SACM1L: variants seen among roughly 807,000 people sequenced by gnomAD.
SACM1L encodes the protein SAC1 like phosphatidylinositide phosphatase, also known as phosphatidylinositol-3-phosphatase SAC1.
SACM1L carries 32 observed loss-of-function variants against 89.5 expected under a neutral mutation model. That is an observed-to-expected ratio of 0.36 (90% CI 0.27 to 0.48). SACM1L has a LOEUF of 0.48. Ranked by LOEUF, SACM1L falls within the 20% of genes least tolerant of loss-of-function variation. SACM1L has a pLI of 0.99. For synonymous variants in SACM1L, 213 were observed against 232.8 expected (o/e 0.92, Z 0.77); for missense variants, 543 against 708.5 (o/e 0.77, Z 2.65).
At chr3:45,697,095 G>C (rs1422476447) in intron 1 of SACM1L, among the ~76,000 whole-genome samples, 1 of 151,576 alleles carries the variant, frequency 6.6e-6, no homozygotes, top group Admixed American at 6.6e-5. Context: ...GTATACCCCT[G>C]TTCATAGCAG....
intron 1 of SACM1L, 37 bp from the exon 2 acceptor site, chr3:45,703,401 A>G: frequency 7.3e-7 from 1 of 1,377,438 alleles, no homozygotes; most frequent in Non-Finnish European, 1.0e-6. Flanking sequence ...TCTTCATTTC[A>G]TTTGGTTAGT....
intron 6 of SACM1L, chr3:45,713,501 C>G (rs907458213): frequency 5.2e-5 from 11 of 211,106 alleles, no homozygotes; most frequent in Non-Finnish European, 1.0e-4. Flanking sequence ...GCCAAGTTTC[C>G]TGGCCAAGGG....
intron 1 of SACM1L, among the ~76,000 whole-genome samples, chr3:45,700,322 T>G (rs1396766936): frequency 6.6e-6 from 1 of 152,186 alleles, no homozygotes; most frequent in Non-Finnish European, 1.5e-5. Context: ...GCTGTGAACT[T>G]AAAAGATGTA....
rs1026588480 is a variant in SACM1L at position 45,744,480 on chromosome 3, A to G, written c.*811A>G. On this transcript the variant is annotated 3_prime_UTR_variant, in exon 20 of 20. Coordinates refer to ENST00000389061, the MANE Select transcript of SACM1L (RefSeq NM_014016.5). ...ACTGGTCAGCTACTTCCTCCTATAC[A>G]TTTTGGTTTCTTTGAGGGTCACTCA... 3 of 152,568 alleles carry G rather than the reference A, an allele frequency of 2.0e-5. No individual in the cohort carries two copies. The highest frequency in any genetic ancestry group is 2.9e-5 in the Non-Finnish European group (2 of 68,022). 9.5% of individuals were successfully genotyped at this position (152,568 alleles called of 1,614,324 possible). A position where few individuals can be genotyped will look rare whatever the true frequency, so the allele number is the denominator to read the frequency against.
rs760498810 is a variant in SACM1L at position 45,689,474 on chromosome 3, G to A, written c.9G>A (p.Thr3=). MA[T]AAYEQLKLHI... ...GGAGGTGGTTGTGCAGGATGGCGAC[G>A]GCGGCCTACGAGCAGCTGAAGCTGT... Residue 3 remains threonine (T), a synonymous_variant, in exon 1 of 20, where the codon ACG becomes ACA. Coordinates refer to ENST00000389061, the MANE Select transcript of SACM1L (RefSeq NM_014016.5). 4 of 1,577,814 alleles carry A rather than the reference G, an allele frequency of 2.5e-6. No individual in the cohort carries two copies. The African/African-American group carries it at 4.0e-5, about 16-fold the overall frequency.
At position 45,723,514 on chromosome 3, in the gene SACM1L, AT is replaced by A; in HGVS notation, c.895del (p.Tyr299MetfsTer6). On this transcript the variant is annotated frameshift_variant, in exon 11 of 20. Transcript: ENST00000389061. LOFTEE classifies it high-confidence loss of function. ...FQRHFDSQVI[I>X]YGKQVIINLI... is the part of the protein sequence containing the mutation. ...AAGGCATTTTGATTCCCAAGTAATT[AT>A]TTATGGAAAACAAGTTATAATCAAT... 6.6e-7 allele frequency: 1 copy of A among 1,510,362 alleles called. No individual in the cohort carries two copies. Among genetic ancestry groups the A allele is most frequent in the Non-Finnish European group, 8.9e-7 (1 of 1,120,902 alleles). 93.6% of individuals were successfully genotyped at this position (1,510,362 alleles called of 1,614,324 possible).
intron 1 of SACM1L, among the ~76,000 whole-genome samples, chr3:45,694,329 A>G (rs1698071688): frequency 6.6e-6 from 1 of 152,222 alleles, no homozygotes; most frequent in African/African-American, 2.4e-5. Flanking sequence ...TGAGGTCATC[A>G]GTCAGGGCAG....
intron 6 of SACM1L, 90 bp from the exon 7 acceptor site, chr3:45,713,956 T>C: frequency 1.6e-6 from 1 of 629,000 alleles, no homozygotes. Context: ...TTGTTATGTT[T>C]GTATATTACC....
chr3:45,737,840 A>G lies in SACM1L; in HGVS notation c.1378A>G (p.Thr460Ala), dbSNP rs1359248720. The G allele has an allele frequency of 2.5e-6, 4 of 1,613,244 alleles. No homozygotes were observed. The highest frequency in any genetic ancestry group is 2.5e-6 in the Non-Finnish European group (3 of 1,179,274). The change falls in exon 16 of 20, where the codon ACC becomes GCC. Residue 460 changes from threonine to alanine, a missense_variant. Transcript: ENST00000389061. ...AGTGALKTDF[T>A]RTGKRTHLGL... ...AACTGGTGCCTTGAAGACTGACTTT[A>G]CCAGGCAAGCCATGCTTTTAAAATA...
chr3:45,702,973 C>T (rs1698309683), intron 1 of SACM1L, among the ~76,000 whole-genome samples: 1 of 152,166 alleles, frequency 6.6e-6, no homozygotes, highest in Admixed American at 6.5e-5. Flanking sequence ...TACTATGCGT[C>T]AGATGTTCAA....
At chr3:45,714,932 C>G (rs1698614809) in intron 7 of SACM1L, among the ~76,000 whole-genome samples, 2 of 152,136 alleles carry the variant, frequency 1.3e-5, no homozygotes, top group Non-Finnish European at 2.9e-5. Context: ...GAAGGTGGTC[C>G]TATAAGATTA....
At chr3:45,714,824 C>G (rs1698612359) in intron 7 of SACM1L, among the ~76,000 whole-genome samples, 1 of 152,190 alleles carries the variant, frequency 6.6e-6, no homozygotes, top group Non-Finnish European at 1.5e-5. Flanking sequence ...GCCAAGTGAG[C>G]TGGCTCTTAA....
At chr3:45,735,751 G>T (rs1238983452) in intron 14 of SACM1L, among the ~76,000 whole-genome samples, 4 of 152,136 alleles carry the variant, frequency 2.6e-5, no homozygotes. Context: ...GAATTACTGG[G>T]TTAAAGAGAA....
chr3:45,722,458 G>A (rs576467325), intron 9 of SACM1L, among the ~76,000 whole-genome samples: 1 of 152,246 alleles, frequency 6.6e-6, no homozygotes, highest in Non-Finnish European at 1.5e-5. Flanking sequence ...GCCTTATGGA[G>A]TTGTACACCA....
At chr3:45,734,469 A>G (rs1699153799) in intron 13 of SACM1L, 1 of 151,966 alleles carries the variant, frequency 6.6e-6, no homozygotes, top group South Asian at 2.1e-4. Flanking sequence ...AATTTTTTTT[A>G]ATTTAGATAC....
intron 19 of SACM1L, 85 bp downstream of exon 19, chr3:45,739,729 C>A: frequency 8.3e-7 from 1 of 1,209,292 alleles, no homozygotes; most frequent in Non-Finnish European, 1.2e-6. Flanking sequence ...TCACCGAACA[C>A]TTGATGTTTC....
rs904206002 is a variant in SACM1L at position 45,691,131 on chromosome 3, G to T, written c.32+1634G>T. ...CTGAAGTAGTAAGAATGATGTTTTT[G>T]TATTGATTTTTGTGAGAAGTGGAAA... is the stretch of plus-strand genomic sequence containing the variant. On this transcript the variant is annotated intron_variant, in intron 1 of 19. Coordinates refer to ENST00000389061, the MANE Select transcript of SACM1L (RefSeq NM_014016.5). 6.6e-5 allele frequency among the ~76,000 whole-genome samples: 10 copies of T among 152,156 alleles called. No individual in the cohort carries two copies. In the East Asian group the frequency reaches 1.9e-3, roughly 29 times the overall value.
At chr3:45,696,816 C>T (rs1343308614) in intron 1 of SACM1L, among the ~76,000 whole-genome samples, 1 of 152,058 alleles carries the variant, frequency 6.6e-6, no homozygotes, top group Non-Finnish European at 1.5e-5. Context: ...TGTTTTCAGA[C>T]ACTAGAAAAT....
rs1699251875 is a variant in SACM1L at position 45,738,571 on chromosome 3, T to TA, written c.1383-5dup. ...CCTGTAACTTAAAATTTAACCTCTT[T>TA]AACCAGAACTGGAAAGAGAACTCAT... On this transcript the variant is annotated splice_region_variant and splice_polypyrimidine_tract_variant and intron_variant, in intron 16 of 19. Coordinates refer to ENST00000389061, the MANE Select transcript of SACM1L (RefSeq NM_014016.5). 1 of 1,589,416 alleles carries TA rather than the reference T, an allele frequency of 6.3e-7. No individual in the cohort carries two copies. The highest frequency in any genetic ancestry group is 1.1e-5 in the South Asian group (1 of 90,372).
Sources: gnomAD v4.1 joint callset for allele counts (sites outside exome capture counted in the v4.1 genomes callset) on GRCh38, gnomAD v4.1.1 for gene constraint, MANE v1.5 for transcripts, NCBI Gene and HGNC (gene_info 2026-07-23, HGNC 2026-07-21) for gene names.